The following RNLS variants were observed in gnomAD, a reference collection of about 807,000 sequenced individuals.
The protein encoded by RNLS is renalase.
A neutral mutation model predicts 39.8 loss-of-function variants in RNLS; 39 were observed. That is an observed-to-expected ratio of 0.98 (90% CI 0.76 to 1.28). The LOEUF (loss-of-function observed/expected upper bound fraction) is 1.28, where lower values mean the gene tolerates loss of function less well. Among genes scored for constraint, RNLS ranks in the 50% most tolerant of loss-of-function variants. RNLS has a pLI of 0.00. For synonymous variants in RNLS, 147 were observed against 150.7 expected (o/e 0.98, Z 0.18); for missense variants, 410 against 413.3 (o/e 0.99, Z 0.07).
intron 5 of RNLS, among the ~76,000 whole-genome samples, chr10:88,348,981 C>T (rs1004130057): frequency 1.3e-5 from 2 of 152,088 alleles, no homozygotes; most frequent in African/African-American, 2.4e-5. Context: ...CAGAGCATCA[C>T]CTTACTTCCT....
At chr10:88,456,596 C>T (rs1842642401) in intron 4 of RNLS, among the ~76,000 whole-genome samples, 1 of 152,102 alleles carries the variant, frequency 6.6e-6, no homozygotes, top group Admixed American at 6.6e-5. Flanking sequence ...GGTAGGGCCG[C>T]CCACTATACA....
the RNLS span, among the ~76,000 whole-genome samples, chr10:88,223,460 T>G: frequency 1.3e-5 from 2 of 152,190 alleles, no homozygotes; most frequent in Non-Finnish European, 2.9e-5. Context: ...TAATGCTTAA[T>G]GAAACGTATA....
At chr10:88,259,997 C>T in the RNLS span, among the ~76,000 whole-genome samples, 1 of 152,242 alleles carries the variant, frequency 6.6e-6, no homozygotes, top group South Asian at 2.1e-4. Flanking sequence ...GCCTCGGCCT[C>T]CCAAAGTGCT....
chr10:88,581,810 A>T (rs1014882018), intron 2 of RNLS, 101 bp from the exon 3 acceptor site: 30 of 762,222 alleles, frequency 3.9e-5, no homozygotes, highest in Non-Finnish European at 5.7e-5. Flanking sequence ...ATAATTCAAA[A>T]TCAAAATTAG....
intron 4 of RNLS, among the ~76,000 whole-genome samples, chr10:88,523,121 A>G (rs929616805): frequency 6.6e-6 from 1 of 152,152 alleles, no homozygotes; most frequent in Admixed American, 6.6e-5. Context: ...TACAGTTGTC[A>G]AAATCATCAC....
At chr10:88,395,167 C>G (rs914673006) in intron 4 of RNLS, among the ~76,000 whole-genome samples, 21 of 146,774 alleles carry the variant, frequency 1.4e-4, no homozygotes, top group African/African-American at 4.8e-4. Flanking sequence ...ATGTTGCGCA[C>G]ATGTACCCTA....
rs147317885 is a variant in RNLS at position 88,417,803 on chromosome 10, T to C, written c.527-55078A>G. Among the ~76,000 whole-genome samples the C allele has an allele frequency of 1.5e-3, 222 of 152,348 alleles. 2 individuals carry two copies. Among genetic ancestry groups the C allele is most frequent in the African/African-American group, 4.9e-3 (205 of 41,578 alleles). On this transcript the variant is annotated intron_variant, in intron 4 of 6. Transcript: ENST00000331772. ...AGCAAGTTATTTTCTTTGGAATCTT[T>C]ACCGTTTTGGCTTTTTGTTGTTCAT...
intron 4 of RNLS, among the ~76,000 whole-genome samples, chr10:88,401,814 A>C (rs1170030669): frequency 6.6e-6 from 1 of 152,046 alleles, no homozygotes; most frequent in Non-Finnish European, 1.5e-5. Context: ...CATAAATCAT[A>C]CATGGCTGCT....
chr10:88,218,262 T>A, the RNLS span, among the ~76,000 whole-genome samples: 1 of 152,182 alleles, frequency 6.6e-6, no homozygotes, highest in African/African-American at 2.4e-5. Context: ...TGTCAAAATA[T>A]AAGCTAAGTA....
chr10:88,523,024 A>T (rs1055653576), intron 4 of RNLS, among the ~76,000 whole-genome samples: 9 of 152,088 alleles, frequency 5.9e-5, no homozygotes, highest in African/African-American at 2.2e-4. Flanking sequence ...CTTCCTTAGC[A>T]TGAGTGTGCA....
At chr10:88,202,191 C>T in the RNLS span, among the ~76,000 whole-genome samples, 12 of 151,102 alleles carry the variant, frequency 7.9e-5, no homozygotes, top group East Asian at 1.9e-4. Context: ...AGCAAACTAT[C>T]GCAAGGACAA....
chr10:88,328,311 G>A (rs1166716274), intron 5 of RNLS, among the ~76,000 whole-genome samples: 1 of 152,162 alleles, frequency 6.6e-6, no homozygotes, highest in African/African-American at 2.4e-5. Context: ...ATTGAAAGAA[G>A]TATCTCTCCT....
chr10:88,562,374 C>T (rs976667854), intron 4 of RNLS, among the ~76,000 whole-genome samples: 5 of 152,096 alleles, frequency 3.3e-5, no homozygotes, highest in African/African-American at 1.2e-4. Flanking sequence ...AAAAATAAAT[C>T]AGATGTTTAT....
the RNLS span, among the ~76,000 whole-genome samples, chr10:88,230,226 AAAAC>A: frequency 1.3e-5 from 2 of 152,216 alleles, no homozygotes; most frequent in African/African-American, 2.4e-5. Flanking sequence ...GGGATAGACA[AAAAC>A]AAGCAAACAA....
chr10:88,297,893 T>C (rs1001919611), intron 6 of RNLS, among the ~76,000 whole-genome samples: 1 of 152,192 alleles, frequency 6.6e-6, no homozygotes, highest in African/African-American at 2.4e-5. Context: ...TATGCTTAAC[T>C]TGAGGAACCA....
At chr10:88,336,362 T>C (rs1345857807) in intron 5 of RNLS, among the ~76,000 whole-genome samples, 1 of 152,258 alleles carries the variant, frequency 6.6e-6, no homozygotes, top group Admixed American at 6.5e-5. Context: ...CATGTATGTT[T>C]GTAATCGTTG....
At chr10:88,465,881 T>C (rs1178013099) in intron 4 of RNLS, among the ~76,000 whole-genome samples, 1 of 152,060 alleles carries the variant, frequency 6.6e-6, no homozygotes, top group Non-Finnish European at 1.5e-5. Context: ...TCAGTCACAC[T>C]TGTGTAAGGT....
intron 4 of RNLS, among the ~76,000 whole-genome samples, chr10:88,464,602 G>A (rs545407414): frequency 3.3e-5 from 5 of 152,162 alleles, no homozygotes; most frequent in East Asian, 3.9e-4. Flanking sequence ...TGCTAAAACC[G>A]TCAGCAATAA....
chr10:88,518,252 T>A (rs757728700), intron 4 of RNLS, among the ~76,000 whole-genome samples: 1 of 151,908 alleles, frequency 6.6e-6, no homozygotes, highest in Non-Finnish European at 1.5e-5. Flanking sequence ...TAACAGTAAG[T>A]AGCATGCATA....
Sources: allele counts gnomAD v4.1 joint callset (sites outside exome capture counted in the v4.1 genomes callset), GRCh38; gene constraint gnomAD v4.1.1; transcripts MANE v1.5; gene names NCBI Gene and HGNC (gene_info 2026-07-23, HGNC 2026-07-21).